AFF2: variants seen among roughly 807,000 people sequenced by gnomAD.
AFF2 encodes the protein AF4/FMR2 family member 2.
Under a neutral mutation model 76.9 loss-of-function variants are expected in AFF2, and 14 were observed. That is an observed-to-expected ratio of 0.18 (90% CI 0.12 to 0.28). The LOEUF is 0.28. AFF2 is among the 10% of genes least tolerant of loss of function. The probability of loss-of-function intolerance (pLI) is 1.00; values close to 1 mark genes in which losing one functional copy is unlikely to be tolerated. For missense variants in AFF2, 868 were observed against 1,001.1 expected (o/e 0.87, Z 1.79); for synonymous variants, 398 against 366.7 (o/e 1.09, Z -0.98).
chrX:148,778,469 A>G (rs1217482461), intron 3 of AFF2, among the ~76,000 whole-genome samples: 4 of 110,908 alleles, frequency 3.6e-5, no homozygotes, highest in African/African-American at 1.3e-4. Flanking sequence ...TGGGCTGTGA[A>G]TCTGTCTGGT....
chrX:148,934,448 G>A (rs191739939), intron 9 of AFF2, among the ~76,000 whole-genome samples: 5 of 112,163 alleles, frequency 4.5e-5, no homozygotes, highest in Admixed American at 3.8e-4. Flanking sequence ...ATTCTGCCAC[G>A]TTGCTATGAA....
chrX:148,806,700 G>A (rs782727638), intron 3 of AFF2, among the ~76,000 whole-genome samples: 45 of 111,575 alleles, frequency 4.0e-4, no homozygotes, highest in Non-Finnish European at 5.8e-4. Flanking sequence ...GAATGAATGC[G>A]ATCCTATTAC....
At chrX:148,719,144 C>G in intron 3 of AFF2, 1 of 1,145,304 alleles carries the variant, frequency 8.7e-7, no homozygotes, top group African/African-American at 1.8e-5. Flanking sequence ...CTATCTATCC[C>G]AGATGTAAGA....
chrX:148,563,977 T>G (rs2053141842), intron 1 of AFF2, among the ~76,000 whole-genome samples: 1 of 111,951 alleles, frequency 8.9e-6, no homozygotes, highest in Admixed American at 9.5e-5. Context: ...TATCTTTTGT[T>G]TCTAATGCTT....
intron 1 of AFF2, among the ~76,000 whole-genome samples, chrX:148,546,548 T>C (rs919370357): frequency 4.4e-5 from 5 of 112,523 alleles, no homozygotes; most frequent in African/African-American, 1.3e-4. Context: ...AAGAACACAA[T>C]GTAAGAACTG....
At chrX:148,785,482 A>G (rs1320708195) in intron 3 of AFF2, among the ~76,000 whole-genome samples, 1 of 111,647 alleles carries the variant, frequency 9.0e-6, no homozygotes, top group African/African-American at 3.3e-5. Flanking sequence ...GGCTTGGTGC[A>G]CAGCATTAGT....
chrX:148,660,219 C>A (rs782651932), intron 2 of AFF2, among the ~76,000 whole-genome samples: 1 of 111,587 alleles, frequency 9.0e-6, no homozygotes, highest in Non-Finnish European at 1.9e-5. Flanking sequence ...GAGTTAAATA[C>A]TTTTTACGGT....
intron 1 of AFF2, among the ~76,000 whole-genome samples, chrX:148,528,657 C>T (rs782652978): frequency 1.1e-4 from 12 of 111,647 alleles, no homozygotes; most frequent in Middle Eastern, 4.7e-3. Context: ...CTCCAGTTCA[C>T]ATTTTGGATT....
chrX:148,563,365 G>A (rs1254097985), intron 1 of AFF2, among the ~76,000 whole-genome samples: 1 of 111,933 alleles, frequency 8.9e-6, no homozygotes, highest in African/African-American at 3.2e-5. Context: ...GGAACAAAAT[G>A]TAGGAAGGCA....
At chrX:148,577,299 G>A (rs782563733) in intron 1 of AFF2, among the ~76,000 whole-genome samples, 21 of 112,200 alleles carry the variant, frequency 1.9e-4, no homozygotes, top group East Asian at 1.4e-3. Flanking sequence ...GTGTGTGTGC[G>A]CGCACACACG....
intron 3 of AFF2, among the ~76,000 whole-genome samples, chrX:148,713,034 G>A (rs1415828611): frequency 1.8e-5 from 2 of 111,491 alleles, no homozygotes; most frequent in Non-Finnish European, 1.9e-5. Context: ...TTTGAACAAA[G>A]ACTTGAAGGA....
rs2054047729 is a variant in AFF2, at chrX:148,637,781, T to C, written c.48-14218T>C. Reference sequence around the variant, plus strand: ...ACATCTTAATACAGACTAACCACATTTCCAGTGCTCAGATTGGCTAGTGGC... The same window carrying C: ...ACATCTTAATACAGACTAACCACATCTCCAGTGCTCAGATTGGCTAGTGGC... On this transcript the variant is annotated intron_variant, in intron 1 of 20. Coordinates refer to ENST00000370460, the MANE Select transcript of AFF2 (RefSeq NM_002025.4). Among the ~76,000 whole-genome samples, 6 of 112,517 alleles carry C rather than the reference T, an allele frequency of 5.3e-5. No individual in the cohort carries two copies. The Admixed American group carries it at 5.7e-4, about 11-fold the overall frequency.
intron 19 of AFF2, 98 bp from the exon 20 acceptor site, chrX:148,987,269 G>A (rs1557291656): frequency 3.9e-6 from 3 of 776,047 alleles, no homozygotes; most frequent in African/African-American, 2.1e-5. Context: ...CCAGCAAATG[G>A]CATTCTGATG....
At chrX:148,965,165 G>A (rs1280472897) in intron 13 of AFF2, among the ~76,000 whole-genome samples, 2 of 111,888 alleles carry the variant, frequency 1.8e-5, no homozygotes, top group Non-Finnish European at 3.8e-5. Context: ...GCTAGCTCAA[G>A]GGCTGGGAGT....
rs58988476 is a variant in AFF2, at chrX:148,969,966, G to C, written c.3267+2274G>C. ...CATGTAATTTTCTGTCTGGACATCA[G>C]CTACTCCTAGGGACGAAGGGGTTTA... On this transcript the variant is annotated intron_variant, in intron 15 of 20. Transcript: ENST00000370460. 4.6e-3 allele frequency among the ~76,000 whole-genome samples: 510 copies of C among 111,643 alleles called. 2 individuals are homozygous for C. Among genetic ancestry groups the C allele is most frequent in the African/African-American group, 0.016 (487 of 30,728 alleles).
intron 3 of AFF2, among the ~76,000 whole-genome samples, chrX:148,793,111 C>T (rs2069920836): frequency 9.0e-6 from 1 of 111,671 alleles, no homozygotes; most frequent in Non-Finnish European, 1.9e-5. Context: ...TTGAACATGG[C>T]TATGACCTCC....
intron 3 of AFF2, among the ~76,000 whole-genome samples, chrX:148,795,139 A>G (rs1160551610): frequency 8.9e-6 from 1 of 112,224 alleles, no homozygotes; most frequent in Non-Finnish European, 1.9e-5. Flanking sequence ...CCAAGGAATG[A>G]TTTCTATTAG....
intron 7 of AFF2, among the ~76,000 whole-genome samples, chrX:148,870,885 G>A (rs1390781453): frequency 1.8e-5 from 2 of 111,821 alleles, no homozygotes; most frequent in Non-Finnish European, 3.8e-5. Flanking sequence ...ATCTCACAGG[G>A]ACAAGGCATC....
At chrX:148,857,236 C>G (rs1377140130) in intron 7 of AFF2, among the ~76,000 whole-genome samples, 1 of 111,540 alleles carries the variant, frequency 9.0e-6, no homozygotes, top group African/African-American at 3.2e-5. Context: ...TACTGTTTCC[C>G]ATACTCGTAA....
Sources: allele counts gnomAD v4.1 joint callset (sites outside exome capture counted in the v4.1 genomes callset), GRCh38; gene constraint gnomAD v4.1.1; transcripts MANE v1.5; gene names NCBI Gene and HGNC (gene_info 2026-07-23, HGNC 2026-07-21).